FXR1: variants seen among roughly 807,000 people sequenced by gnomAD.
FXR1 encodes FMR1 autosomal homolog 1.
In FXR1, 15 loss-of-function variants were observed where a neutral mutation model predicts 84.0. The ratio of observed to expected loss-of-function variants is 0.18; its 90% confidence interval spans 0.12 to 0.27. The LOEUF is 0.27. FXR1 is among the 10% of genes least tolerant of loss of function. The pLI is 1.00. For synonymous variants in FXR1, 245 were observed against 250.7 expected (o/e 0.98, Z 0.21); for missense variants, 480 against 774.4 (o/e 0.62, Z 4.51).
chr3:180,928,753 T>G (rs961360599), intron 1 of FXR1, among the ~76,000 whole-genome samples: 1 of 152,140 alleles, frequency 6.6e-6, no homozygotes, highest in Non-Finnish European at 1.5e-5. Context: ...TAATGGATTG[T>G]TAGTTAACTT....
chr3:180,968,178 A>G lies in FXR1; in HGVS notation c.1326A>G (p.Pro442=). 2.5e-6 allele frequency: 4 copies of G among 1,614,012 alleles called. No homozygotes were observed. Among genetic ancestry groups the G allele is most frequent in the South Asian group, 1.1e-5 (1 of 91,088 alleles). ...SRHQRDSRRR[P]GGRGRSVSGG... is the part of the protein sequence containing the mutation. ...ATCAGCGTGACAGCAGGAGACGCCCAGGAGGAAGAGGCAGAAGTGTTTCAG... is the reference window on the plus strand; with the variant it reads ...ATCAGCGTGACAGCAGGAGACGCCCGGGAGGAAGAGGCAGAAGTGTTTCAG... The change falls in exon 14 of 17, where the codon CCA becomes CCG. Residue 442 remains proline (P), a synonymous_variant. Transcript: ENST00000357559.
chr3:180,964,673 T>TTTTATATATATATATATATATATATATA (rs148208441), intron 13 of FXR1, among the ~76,000 whole-genome samples: 17 of 136,342 alleles, frequency 1.2e-4, no homozygotes, highest in African/African-American at 4.6e-4. Context: ...TGTAGTTGAT[T>TTTTATATATATATATATATATATATATA]TATATATATA....
At chr3:180,935,954 C>T (rs1052958405) in intron 3 of FXR1, among the ~76,000 whole-genome samples, 4 of 152,050 alleles carry the variant, frequency 2.6e-5, no homozygotes, top group South Asian at 4.2e-4. Flanking sequence ...TGCAATGGCG[C>T]GATCTTGGCT....
At position 180,976,322 on chromosome 3, in the gene FXR1, T is replaced by A. The variant is rs767548538; in HGVS notation, c.*30T>A. The A allele has an allele frequency of 6.9e-7, 1 of 1,446,740 alleles. No individual in the cohort carries two copies. The highest frequency in any genetic ancestry group is 9.5e-7 in the Non-Finnish European group (1 of 1,055,856). The allele number at this position is 1,446,740 out of a possible 1,614,324, so 89.6% of individuals were successfully genotyped here. On this transcript the variant is annotated 3_prime_UTR_variant, in exon 17 of 17. Transcript: ENST00000357559. ...AAGAAGTTCCTAGTTTACAGTTCTT[T>A]TACATTACATTTACAATAGTGCTTG... is the stretch of plus-strand genomic sequence containing the variant.
chr3:180,930,544 T>C (rs911111082), intron 1 of FXR1, among the ~76,000 whole-genome samples: 2 of 151,036 alleles, frequency 1.3e-5, no homozygotes, highest in Non-Finnish European at 3.0e-5. Flanking sequence ...TTTCAAACTT[T>C]GTGAGAGTTT....
At chr3:180,921,227 G>C (rs1718550093) in intron 1 of FXR1, among the ~76,000 whole-genome samples, 1 of 152,128 alleles carries the variant, frequency 6.6e-6, no homozygotes, top group East Asian at 1.9e-4. Context: ...AATTAGCAGG[G>C]CATGGTGGCT....
At chr3:180,954,043 T>G (rs1430083623) in intron 9 of FXR1, 2 of 508,596 alleles carry the variant, frequency 3.9e-6, no homozygotes, top group Non-Finnish European at 6.9e-6. Flanking sequence ...GTAAAGATGT[T>G]TCTTCTGTAC....
At chr3:180,949,829 T>C (rs1722045177) in intron 7 of FXR1, among the ~76,000 whole-genome samples, 1 of 152,248 alleles carries the variant, frequency 6.6e-6, no homozygotes, top group African/African-American at 2.4e-5. Context: ...CTTTGCGAAA[T>C]GCCTGTTGAC....
At chr3:180,970,073 G>A (rs1276729185) in intron 14 of FXR1, 85 bp from the exon 15 acceptor site, 1 of 632,790 alleles carries the variant, frequency 1.6e-6, no homozygotes, top group Non-Finnish European at 2.9e-6. Flanking sequence ...AAGTTTATTT[G>A]TCATTGATAT....
At position 180,964,673 on chromosome 3, in the gene FXR1, TTATATATA is replaced by T. The variant is rs10600370; in HGVS notation, c.1198+1604_1198+1611del. On this transcript the variant is annotated intron_variant, in intron 13 of 16. Transcript: ENST00000357559. ...TATATCAGAGGGACTTGTAGTTGAT[TTATATATA>T]TATATATATATATATATATAATGAG... Among the ~76,000 whole-genome samples, 79 of 136,322 alleles carry T rather than the reference TTATATATA, an allele frequency of 5.8e-4. 1 individual carries two copies. The highest frequency in any genetic ancestry group is 8.2e-4 in the Non-Finnish European group (53 of 64,816). 89.4% of individuals were successfully genotyped at this position (136,322 alleles called of 152,430 possible). A position where few individuals can be genotyped will look rare whatever the true frequency, so the allele number is the denominator to read the frequency against.
At position 180,915,562 on chromosome 3, in the gene FXR1, C is replaced by T. The variant is rs775866699; in HGVS notation, c.51+2826C>T. 1.9e-5 allele frequency: 23 copies of T among 1,201,024 alleles called. No individual in the cohort carries two copies. The East Asian group carries it at 4.6e-4, about 24-fold the overall frequency. The allele number at this position is 1,201,024 out of a possible 1,614,324, so 74.4% of individuals were successfully genotyped here. Reference sequence around the variant, plus strand: ...GGAACTCAGCAAAAACTAGAAGTTGCCTTGAGATGAGAGCTGTTAACATTT... The same window carrying T: ...GGAACTCAGCAAAAACTAGAAGTTGTCTTGAGATGAGAGCTGTTAACATTT... On this transcript the variant is annotated intron_variant, in intron 1 of 16. Transcript: ENST00000357559.
chr3:180,961,961 C>T (rs968375250), intron 11 of FXR1, among the ~76,000 whole-genome samples: 1 of 152,118 alleles, frequency 6.6e-6, no homozygotes, highest in Non-Finnish European at 1.5e-5. Context: ...CATTGGGCTT[C>T]CTTGGTAACT....
intron 1 of FXR1, chr3:180,915,612 G>T: frequency 1.2e-6 from 1 of 824,402 alleles, no homozygotes; most frequent in South Asian, 1.4e-5. Flanking sequence ...GGTTTTTTTT[G>T]GTGGTTTTTC....
intron 3 of FXR1, among the ~76,000 whole-genome samples, chr3:180,942,856 T>C (rs201922395): frequency 6.6e-6 from 1 of 152,224 alleles, no homozygotes; most frequent in African/African-American, 2.4e-5. Flanking sequence ...TATAGTACAC[T>C]AGAGCACAGT....
At chr3:180,949,749 G>A (rs912386167) in intron 7 of FXR1, among the ~76,000 whole-genome samples, 2 of 152,164 alleles carry the variant, frequency 1.3e-5, no homozygotes, top group South Asian at 2.1e-4. Flanking sequence ...CCTCTGTTTC[G>A]TGACTGTTTG....
chr3:180,966,552 T>G (rs1712856761), intron 13 of FXR1, among the ~76,000 whole-genome samples: 2 of 152,210 alleles, frequency 1.3e-5, no homozygotes, highest in African/African-American at 2.4e-5. Context: ...TCTGAGAGTT[T>G]AGCAAATGAA....
intron 1 of FXR1, among the ~76,000 whole-genome samples, chr3:180,919,976 A>G (rs994451824): frequency 6.6e-6 from 1 of 152,134 alleles, no homozygotes; most frequent in Non-Finnish European, 1.5e-5. Context: ...TTTAATCAAG[A>G]TAATTTATGC....
chr3:180,955,391 G>A lies in FXR1; in HGVS notation c.880+1551G>A, dbSNP rs550825527. ...CTACTTTATTAGTTCTTGGTATACC[G>A]TTGTTCACTGTAGACTGAACTGCTA... On this transcript the variant is annotated intron_variant, in intron 9 of 16. Transcript: ENST00000357559. Among the ~76,000 whole-genome samples the A allele has an allele frequency of 4.6e-5, 7 of 152,002 alleles. No individual in the cohort carries two copies. The South Asian group carries it at 1.0e-3, about 22-fold the overall frequency.
chr3:180,919,996 A>T (rs1718383476), intron 1 of FXR1, among the ~76,000 whole-genome samples: 1 of 152,198 alleles, frequency 6.6e-6, no homozygotes, highest in Non-Finnish European at 1.5e-5. Flanking sequence ...CTATCAGTGT[A>T]TTTAACTTGC....
Sources: gnomAD v4.1 joint callset for allele counts (sites outside exome capture counted in the v4.1 genomes callset) on GRCh38, gnomAD v4.1.1 for gene constraint, MANE v1.5 for transcripts, NCBI Gene and HGNC (gene_info 2026-07-23, HGNC 2026-07-21) for gene names.